The following ELOVL5 variants were observed in gnomAD, a reference collection of about 807,000 sequenced individuals.
ELOVL5 encodes ELOVL fatty acid elongase 5.
ELOVL5 carries 8 observed loss-of-function variants against 38.6 expected under a neutral mutation model. That is an observed-to-expected ratio of 0.21 (90% CI 0.12 to 0.37). The LOEUF is 0.37. Ranked by LOEUF, ELOVL5 falls within the 10% of genes least tolerant of loss-of-function variation. The pLI, the probability that ELOVL5 is intolerant of heterozygous loss-of-function variation, is 1.00. For synonymous variants in ELOVL5, 127 were observed against 133.7 expected, an observed-to-expected ratio of 0.95 and a Z score of 0.34; for missense variants, 280 against 367.8, an observed-to-expected ratio of 0.76 and a Z score of 1.95.
intron 3 of ELOVL5, among the ~76,000 whole-genome samples, chr6:53,280,115 G>C (rs1766295820): frequency 6.6e-6 from 1 of 152,212 alleles, no homozygotes; most frequent in South Asian, 2.1e-4. Flanking sequence ...TCTTCAAGTT[G>C]CGTGTTAAGT....
At chr6:53,273,933 C>T (rs1158664550) in intron 5 of ELOVL5, among the ~76,000 whole-genome samples, 2 of 152,178 alleles carry the variant, frequency 1.3e-5, no homozygotes, top group Non-Finnish European at 2.9e-5. Flanking sequence ...AGTTCTTTTT[C>T]CAGACTCTGT....
At chr6:53,327,474 C>A (rs1768600030) in intron 1 of ELOVL5, among the ~76,000 whole-genome samples, 1 of 150,784 alleles carries the variant, frequency 6.6e-6, no homozygotes, top group African/African-American at 2.5e-5. Context: ...AGGAAATATT[C>A]AGAATAGGCA....
At chr6:53,306,055 C>G (rs569213788) in intron 1 of ELOVL5, among the ~76,000 whole-genome samples, 124 of 151,492 alleles carry the variant, frequency 8.2e-4, no homozygotes, top group African/African-American at 2.9e-3. Flanking sequence ...AATAAGAAAA[C>G]CAGTCAGGCG....
intron 3 of ELOVL5, among the ~76,000 whole-genome samples, chr6:53,286,202 T>TA (rs1156580074): frequency 1.3e-5 from 2 of 152,204 alleles, no homozygotes; most frequent in South Asian, 4.1e-4. Context: ...TCAAAAAACT[T>TA]ACCATATTTG....
rs771995470 is a variant in ELOVL5 at position 53,291,821 on chromosome 6, C to G, written c.201G>C (p.Val67=). ...ACAGCAGTGTGAGTCCAAGGTTATA[C>G]ACCACTAAAATCCCCCGGCAAGAGA... ...QPFSCRGILV[V]YNLGLTLLSL... The change falls in exon 3 of 8, where the codon GTG becomes GTC. Residue 67 remains valine (V), a synonymous_variant. Transcript: ENST00000304434. 5 of 1,613,978 alleles carry G rather than the reference C, an allele frequency of 3.1e-6. No homozygotes were observed. The highest frequency in any genetic ancestry group is 2.7e-5 in the African/African-American group (2 of 74,996).
chr6:53,306,781 T>C (rs552818244), intron 1 of ELOVL5, among the ~76,000 whole-genome samples: 96 of 152,326 alleles, frequency 6.3e-4, no homozygotes, highest in Non-Finnish European at 1.2e-3. Context: ...CTTTTGAAAC[T>C]AGAAGAAGAA....
chr6:53,333,624 A>T (rs886489260), intron 1 of ELOVL5, among the ~76,000 whole-genome samples: 1 of 152,200 alleles, frequency 6.6e-6, no homozygotes, highest in Non-Finnish European at 1.5e-5. Context: ...TTTTTATCAA[A>T]TCAAAGGACA....
chr6:53,289,553 T>C (rs1766695880), intron 3 of ELOVL5, among the ~76,000 whole-genome samples: 2 of 152,192 alleles, frequency 1.3e-5, no homozygotes, highest in Non-Finnish European at 2.9e-5. Flanking sequence ...ACCCTGTCTC[T>C]ACTAAAAATA....
chr6:53,301,500 C>A (rs897433896), intron 1 of ELOVL5, among the ~76,000 whole-genome samples: 1 of 152,130 alleles, frequency 6.6e-6, no homozygotes, highest in Non-Finnish European at 1.5e-5. Context: ...AGGAAAAAGA[C>A]CACGCTGACA....
chr6:53,273,617 C>A (rs1327212982), intron 5 of ELOVL5, among the ~76,000 whole-genome samples: 1 of 152,226 alleles, frequency 6.6e-6, no homozygotes, highest in Non-Finnish European at 1.5e-5. Context: ...GCCATCCCAG[C>A]ACCTACAGGC....
At chr6:53,276,327 T>A in intron 3 of ELOVL5, 71 bp from the exon 4 acceptor site, 1 of 1,005,996 alleles carries the variant, frequency 9.9e-7, no homozygotes, top group Non-Finnish European at 1.6e-6. Context: ...ACTTTATTAG[T>A]TGCAGAATCT....
intron 1 of ELOVL5, among the ~76,000 whole-genome samples, chr6:53,342,174 G>T (rs1436464699): frequency 6.6e-6 from 1 of 152,212 alleles, no homozygotes; most frequent in African/African-American, 2.4e-5. Context: ...ACAGCTGATG[G>T]AGGCGTCAAC....
In ELOVL5 at chr6:53,291,168, C is replaced by T. The variant is rs375010656; in HGVS notation, c.246+608G>A. Among the ~76,000 whole-genome samples, 23 of 152,270 alleles carry T rather than the reference C, an allele frequency of 1.5e-4. No individual in the cohort carries two copies. The South Asian group carries it at 4.4e-3, about 29-fold the overall frequency. ...TTTCATTTTTAAGCTATAACATTTG[C>T]CTTTGAGATCATCAAATGTGATTTT... is the stretch of plus-strand genomic sequence containing the variant. On this transcript the variant is annotated intron_variant, in intron 3 of 7. Transcript: ENST00000304434.
At chr6:53,334,571 G>A (rs1475392897) in intron 1 of ELOVL5, among the ~76,000 whole-genome samples, 2 of 152,066 alleles carry the variant, frequency 1.3e-5, no homozygotes, top group African/African-American at 4.8e-5. Flanking sequence ...AAAAACAGTT[G>A]CTGAGTCCCT....
chr6:53,332,165 G>T (rs985285153), intron 1 of ELOVL5, among the ~76,000 whole-genome samples: 15 of 152,284 alleles, frequency 9.9e-5, no homozygotes, highest in African/African-American at 3.6e-4. Flanking sequence ...ATGAGATTTG[G>T]AGGGGACAAA....
intron 1 of ELOVL5, among the ~76,000 whole-genome samples, chr6:53,331,782 T>C (rs543145027): frequency 1.3e-4 from 20 of 152,356 alleles, no homozygotes; most frequent in Middle Eastern, 6.8e-3. Context: ...ACTAAATATA[T>C]TGTAACTGTA....
At chr6:53,301,853 T>A (rs1462817969) in intron 1 of ELOVL5, among the ~76,000 whole-genome samples, 1 of 152,194 alleles carries the variant, frequency 6.6e-6, no homozygotes, top group Non-Finnish European at 1.5e-5. Context: ...ATTATAATTG[T>A]GTCTCATTTT....
intron 1 of ELOVL5, among the ~76,000 whole-genome samples, chr6:53,306,216 AGGGGAGAG>A (rs1767538800): frequency 9.0e-5 from 1 of 11,092 alleles, no homozygotes; most frequent in Non-Finnish European, 1.4e-4. Flanking sequence ...GAAAGGGGAG[AGGGGAGAG>A]GGGAGAGGGG....
At chr6:53,282,551 G>A (rs537412881) in intron 3 of ELOVL5, among the ~76,000 whole-genome samples, 3 of 152,182 alleles carry the variant, frequency 2.0e-5, no homozygotes, top group African/African-American at 7.2e-5. Context: ...GATACACTAG[G>A]GACAACTAAC....
Sources: gnomAD v4.1 joint callset for allele counts (sites outside exome capture counted in the v4.1 genomes callset) on GRCh38, gnomAD v4.1.1 for gene constraint, MANE v1.5 for transcripts, NCBI Gene and HGNC (gene_info 2026-07-23, HGNC 2026-07-21) for gene names.